SLC5A10: variants seen among roughly 807,000 people sequenced by gnomAD.
SLC5A10 encodes solute carrier family 5 member 10, also known as sodium/mannose cotransporter SLC5A10.
In SLC5A10, 55 loss-of-function variants were observed where a neutral mutation model predicts 68.9. The observed-to-expected ratio is 0.80, with a 90% confidence interval of 0.64 to 1.00. The LOEUF (loss-of-function observed/expected upper bound fraction) is 1.00. Among genes scored for constraint, SLC5A10 ranks in the 50% least tolerant of loss-of-function variants. The probability of loss-of-function intolerance (pLI) is 0.00; values close to 1 mark genes in which losing one functional copy is unlikely to be tolerated. For missense variants in SLC5A10, 732 were observed against 819.3 expected (o/e 0.89, Z 1.30); for synonymous variants, 344 against 344.8 (o/e 1.00, Z 0.02).
At chr17:18,994,437 G>A (rs1341458350) in intron 9 of SLC5A10, among the ~76,000 whole-genome samples, 1 of 152,162 alleles carries the variant, frequency 6.6e-6, no homozygotes, top group Non-Finnish European at 1.5e-5. Flanking sequence ...GCAGGGGAGA[G>A]AGCTGCACAG....
chr17:19,005,779 C>G lies in SLC5A10; in HGVS notation c.983-7631C>G, dbSNP rs2043869811. On this transcript the variant is annotated intron_variant, in intron 9 of 14. Coordinates refer to ENST00000395645, the MANE Select transcript of SLC5A10 (RefSeq NM_001042450.4). ...TGGTCCCCATCACTGACCCCTCAAG[C>G]ATGAAGTCCTACACTCTGCCATATA... Among the ~76,000 whole-genome samples, 3 of 152,184 alleles carry G rather than the reference C, an allele frequency of 2.0e-5. No individual in the cohort carries two copies. The South Asian group carries it at 6.2e-4, about 32-fold the overall frequency.
chr17:19,019,800 G>A lies in SLC5A10; in HGVS notation c.1498G>A (p.Glu500Lys), dbSNP rs2044223755. 3.1e-6 allele frequency: 5 copies of A among 1,613,314 alleles called. No homozygotes were observed. Among genetic ancestry groups the A allele is most frequent in the African/African-American group, 1.3e-5 (1 of 74,906 alleles). ...EFLNPAPPCG[E>K]PDTRPAVLGS... is the part of the protein sequence containing the mutation. Reference sequence around the variant, plus strand: ...CCTGAACCCAGCCCCACCGTGCGGAGAGCCAGACACGCGGCCAGCCGTCCT... The same window carrying A: ...CCTGAACCCAGCCCCACCGTGCGGAAAGCCAGACACGCGGCCAGCCGTCCT... The change falls in exon 13 of 15, where the codon GAG becomes AAG. Residue 500 changes from glutamate (E) to lysine (K), a missense_variant. Glu to Lys is a moderately conservative substitution (Grantham distance 56). Coordinates refer to ENST00000395645, the MANE Select transcript of SLC5A10 (RefSeq NM_001042450.4).
intron 4 of SLC5A10, 105 bp downstream of exon 4, chr17:18,959,768 T>C (rs2042575153): frequency 2.0e-6 from 2 of 1,015,690 alleles, no homozygotes; most frequent in Non-Finnish European, 3.1e-6. Context: ...GTTGGTAAAC[T>C]CTTAGGGCTG....
At chr17:18,965,248 G>A (rs1193143351) in intron 5 of SLC5A10, among the ~76,000 whole-genome samples, 4 of 152,186 alleles carry the variant, frequency 2.6e-5, no homozygotes, top group African/African-American at 7.2e-5. Flanking sequence ...ATCCATAGCA[G>A]TGGCCGGTGG....
intron 9 of SLC5A10, 165 bp downstream of exon 9, chr17:18,977,154 C>T (rs1281469774): frequency 1.1e-6 from 1 of 934,154 alleles, no homozygotes; most frequent in African/African-American, 1.6e-5. Context: ...AAGGGATTAA[C>T]ATGGATGTGG....
intron 5 of SLC5A10, among the ~76,000 whole-genome samples, chr17:18,963,346 C>G (rs1378959481): frequency 2.0e-5 from 3 of 152,232 alleles, no homozygotes; most frequent in Non-Finnish European, 4.4e-5. Flanking sequence ...AGAGGCCCAA[C>G]CTCAGCCCTG....
intron 11 of SLC5A10, among the ~76,000 whole-genome samples, chr17:19,015,668 A>G (rs1028144030): frequency 6.6e-6 from 1 of 152,036 alleles, no homozygotes; most frequent in African/African-American, 2.4e-5. Flanking sequence ...TTTCACCTCG[A>G]TGACTCATGC....
At chr17:18,977,456 C>T (rs1444054836) in intron 9 of SLC5A10, 5 of 954,914 alleles carry the variant, frequency 5.2e-6, no homozygotes, top group Non-Finnish European at 7.7e-6. Flanking sequence ...CAAGTTTCCC[C>T]ATCTGTAACA....
chr17:18,987,673 C>T (rs1342449311), intron 9 of SLC5A10, among the ~76,000 whole-genome samples: 2 of 152,236 alleles, frequency 1.3e-5, no homozygotes, highest in East Asian at 1.9e-4. Flanking sequence ...ATGGTTTCCC[C>T]CACCCCAAAG....
intron 9 of SLC5A10, among the ~76,000 whole-genome samples, chr17:18,979,988 C>G (rs1036566571): frequency 1.3e-5 from 2 of 152,160 alleles, no homozygotes; most frequent in Non-Finnish European, 2.9e-5. Flanking sequence ...ACACAGCCAG[C>G]CAGCTTGGGA....
Position 19,004,184 on chromosome 17 carries a change from T to C in SLC5A10, c.983-9226T>C. 1 of 675,062 alleles carries C rather than the reference T, an allele frequency of 1.5e-6. No individual in the cohort carries two copies. The highest frequency in any genetic ancestry group is 2.2e-6 in the Non-Finnish European group (1 of 453,276). 41.8% of individuals were successfully genotyped at this position (675,062 alleles called of 1,614,324 possible). A position where few individuals can be genotyped will look rare whatever the true frequency, so the allele number is the denominator to read the frequency against. Reference sequence around the variant, plus strand: ...CCATGAGCAATCTGCGGGAAAGACCTGATGAGCCCGGCTCGGCGGGGAGGG... The same window carrying C: ...CCATGAGCAATCTGCGGGAAAGACCCGATGAGCCCGGCTCGGCGGGGAGGG... On this transcript the variant is annotated intron_variant, in intron 9 of 14. Transcript: ENST00000395645. This position sits in a 1 kb window ranked among gnomAD's most constrained non-coding sequence, Gnocchi z 5.4.
rs1567803172 is a variant in SLC5A10, at chr17:18,996,613, C to A, written c.983-16797C>A. Among the ~76,000 whole-genome samples, 2 of 152,112 alleles carry A rather than the reference C, an allele frequency of 1.3e-5. No individual in the cohort carries two copies. Among genetic ancestry groups the A allele is most frequent in the Admixed American group, 6.6e-5 (1 of 15,266 alleles). ...CTGTGTACTTGGTAACAAATGCTGA[C>A]CCCAGCCAGAGCAAGGATAATTAGG... On this transcript the variant is annotated intron_variant, in intron 9 of 14. Transcript: ENST00000395645. The surrounding 1 kb of genome is among the most constrained non-coding windows in gnomAD (Gnocchi z 4.4).
At chr17:18,986,107 C>T (rs866664738) in intron 9 of SLC5A10, 7 of 152,278 alleles carry the variant, frequency 4.6e-5, no homozygotes, top group African/African-American at 7.2e-5. Context: ...GCCAGTGAGC[C>T]GTGTGGGCAG....
At chr17:18,977,130 C>G in intron 9 of SLC5A10, 141 bp downstream of exon 9, 1 of 1,162,320 alleles carries the variant, frequency 8.6e-7, no homozygotes, top group Non-Finnish European at 1.2e-6. Flanking sequence ...GAGTGGTCCT[C>G]AGGGCCACAA....
chr17:19,004,866 C>G lies in SLC5A10; in HGVS notation c.983-8544C>G, dbSNP rs936726658. On this transcript the variant is annotated intron_variant, in intron 9 of 14. Transcript: ENST00000395645. The surrounding 1 kb of genome is among the most constrained non-coding windows in gnomAD (Gnocchi z 5.4). ...GGGGCGGGGCCGGAAGCTGATTCAC[C>G]CCTCGACAGACAGACAGACCTGGGG... 6.6e-6 allele frequency: 1 copy of G among 151,682 alleles called. No homozygotes were observed. The allele number at this position is 151,682 out of a possible 1,614,324, so 9.4% of individuals were successfully genotyped here.
intron 10 of SLC5A10, 116 bp from the exon 11 acceptor site, chr17:19,014,933 G>T: frequency 7.7e-7 from 1 of 1,294,222 alleles, no homozygotes; most frequent in Non-Finnish European, 1.1e-6. Flanking sequence ...CCCGCCCTCT[G>T]CCTTGGAGGA....
intron 5 of SLC5A10, among the ~76,000 whole-genome samples, chr17:18,962,894 T>G (rs1251036494): frequency 6.6e-6 from 1 of 152,150 alleles, no homozygotes; most frequent in Admixed American, 6.5e-5. Context: ...CGGAGAGTCC[T>G]GAAAGTGGAT....
chr17:18,982,864 G>C (rs1374590268), intron 9 of SLC5A10, among the ~76,000 whole-genome samples: 2 of 152,226 alleles, frequency 1.3e-5, no homozygotes, highest in Non-Finnish European at 2.9e-5. Context: ...GCCAACCAAG[G>C]CCTTTCTTTC....
At position 18,996,017 on chromosome 17, in the gene SLC5A10, C is replaced by T. The variant is rs934285231; in HGVS notation, c.983-17393C>T. 5.9e-5 allele frequency among the ~76,000 whole-genome samples: 9 copies of T among 151,370 alleles called. No individual in the cohort carries two copies. The highest frequency in any genetic ancestry group is 8.8e-5 in the Non-Finnish European group (6 of 67,942). ...CACTTAAAGTCAGTAACAAAGAGAG[C>T]GTTAAAAACAACCAGAAGAGAAAAG... On this transcript the variant is annotated intron_variant, in intron 9 of 14. Coordinates refer to ENST00000395645, the MANE Select transcript of SLC5A10 (RefSeq NM_001042450.4). The surrounding 1 kb of genome is among the most constrained non-coding windows in gnomAD (Gnocchi z 4.4).
Sources: allele counts gnomAD v4.1 joint callset (sites outside exome capture counted in the v4.1 genomes callset), GRCh38; gene constraint gnomAD v4.1.1; non-coding constraint Gnocchi (gnomAD v3.1); transcripts MANE v1.5; gene names NCBI Gene and HGNC (gene_info 2026-07-23, HGNC 2026-07-21).